The following OPN5 variants were observed in gnomAD, a reference collection of about 807,000 sequenced individuals.
The protein encoded by OPN5 is opsin 5, also known as opsin-5.
OPN5 carries 18 observed loss-of-function variants against 41.7 expected under a neutral mutation model. The ratio of observed to expected loss-of-function variants is 0.43; its 90% CI spans 0.30 to 0.64. The LOEUF (loss-of-function observed/expected upper bound fraction) is 0.64. OPN5 is among the 30% of genes least tolerant of loss of function. The probability of loss-of-function intolerance (pLI) is 0.13; values close to 1 mark genes in which losing one functional copy is unlikely to be tolerated. For synonymous variants in OPN5, 178 were observed against 164.3 expected (o/e 1.08, Z -0.64); for missense variants, 318 against 434.5 (o/e 0.73, Z 2.38).
intron 6 of OPN5, among the ~76,000 whole-genome samples, chr6:47,814,385 C>T (rs763902474): frequency 5.3e-5 from 8 of 151,926 alleles, no homozygotes; most frequent in Non-Finnish European, 1.0e-4. Flanking sequence ...TGGTCTTTAA[C>T]ATGGCTTTAT....
Position 47,812,545 on chromosome 6 carries a change from G to A in OPN5, c.1056+814G>A, listed in dbSNP as rs534488803. ...TGAGGCAGACAGGTAAAGAGATGTA[G>A]ATATGAATGAGATGGAGTGATTTCA... On this transcript the variant is annotated intron_variant, in intron 6 of 6. Transcript: ENST00000371211. 6.6e-5 allele frequency among the ~76,000 whole-genome samples: 10 copies of A among 152,176 alleles called. No homozygotes were observed. In the East Asian group the frequency reaches 1.4e-3, roughly 21 times the overall value.
intron 1 of OPN5, among the ~76,000 whole-genome samples, 165 bp downstream of exon 1, chr6:47,782,361 T>C (rs1214184480): frequency 6.6e-6 from 1 of 152,178 alleles, no homozygotes; most frequent in African/African-American, 2.4e-5. Context: ...AATAAATGTT[T>C]CCTAGAAATG....
In OPN5 at chr6:47,819,354, A is replaced by ATATATATATATATATATATAT; in HGVS notation, c.1057-4629_1057-4628insTATATATATATATATATATAT. ...AATTAGGAATATATATATATATATA[A>ATATATATATATATATATATAT]AAAATATATTACCGTATAAGTAGAA... On this transcript the variant is annotated intron_variant, in intron 6 of 6. Coordinates refer to ENST00000371211, the Ensembl canonical transcript of OPN5. 9.3e-3 allele frequency among the ~76,000 whole-genome samples: 546 copies of ATATATATATATATATATATAT among 58,942 alleles called. 107 individuals carry two copies. Among genetic ancestry groups the ATATATATATATATATATATAT allele is most frequent in the African/African-American group, 0.018 (355 of 20,148 alleles). The allele number at this position is 58,942 out of a possible 152,430, so 38.7% of individuals were successfully genotyped here.
chr6:47,795,162 A>G (rs1773501534), intron 3 of OPN5, 67 bp from the exon 4 acceptor site: 2 of 1,156,252 alleles, frequency 1.7e-6, no homozygotes, highest in African/African-American at 1.6e-5. Flanking sequence ...GGAATTTGAC[A>G]TATCGAGGGG....
chr6:47,819,379 A>AATATATATGTAT (rs1554141995), intron 6 of OPN5, among the ~76,000 whole-genome samples: 1 of 97,424 alleles, frequency 1.0e-5, no homozygotes, highest in African/African-American at 3.5e-5. Flanking sequence ...TATAAGTAGA[A>AATATATATGTAT]ATATATATAT....
chr6:47,795,790 A>T lies in OPN5; in HGVS notation c.756+227A>T, dbSNP rs962105363. On this transcript the variant is annotated intron_variant, in intron 4 of 6. Coordinates refer to ENST00000371211, the Ensembl canonical transcript of OPN5. ...CTCTCTCTCTCTCTCACACACACAC[A>T]CACACACACACACACACACACATTT... 5.2e-4 allele frequency among the ~76,000 whole-genome samples: 78 copies of T among 151,396 alleles called. 1 individual carries two copies. The South Asian group carries it at 0.016, about 31-fold the overall frequency.
chr6:47,791,684 T>G (rs897891939), intron 2 of OPN5, 118 bp from the exon 3 acceptor site: 2 of 711,636 alleles, frequency 2.8e-6, no homozygotes, highest in Non-Finnish European at 4.9e-6. Context: ...TAATCAAGGG[T>G]GTGTGTGTGC....
intron 2 of OPN5, among the ~76,000 whole-genome samples, chr6:47,788,939 G>A (rs1182186172): frequency 3.3e-5 from 5 of 151,846 alleles, no homozygotes; most frequent in African/African-American, 1.2e-4. Flanking sequence ...AAAACAATCC[G>A]TCCAGCGATT....
chr6:47,818,540 A>G (rs1762499825), intron 6 of OPN5, among the ~76,000 whole-genome samples: 1 of 152,206 alleles, frequency 6.6e-6, no homozygotes, highest in African/African-American at 2.4e-5. Context: ...TTGGCAGGGC[A>G]TTCATCCATA....
At chr6:47,821,854 C>A (rs1456006061) in intron 6 of OPN5, among the ~76,000 whole-genome samples, 3 of 152,078 alleles carry the variant, frequency 2.0e-5, no homozygotes, top group Non-Finnish European at 4.4e-5. Context: ...GTGGCTCATA[C>A]CTGTAATCCC....
chr6:47,792,535 G>T (rs1344282999), intron 3 of OPN5, among the ~76,000 whole-genome samples: 4 of 152,180 alleles, frequency 2.6e-5, no homozygotes, highest in Non-Finnish European at 5.9e-5. Flanking sequence ...GTGATTACAA[G>T]AATTGGTGAA....
At chr6:47,810,297 A>G (rs1358234780) in intron 5 of OPN5, among the ~76,000 whole-genome samples, 1 of 152,182 alleles carries the variant, frequency 6.6e-6, no homozygotes, top group Non-Finnish European at 1.5e-5. Flanking sequence ...CTGAAGAGAT[A>G]TTGAGTCGTA....
intron 4 of OPN5, among the ~76,000 whole-genome samples, chr6:47,800,943 T>C (rs1053830601): frequency 6.6e-6 from 1 of 152,198 alleles, no homozygotes; most frequent in Non-Finnish European, 1.5e-5. Flanking sequence ...ACATCAGTCA[T>C]TTACAATGTT....
rs189383468 is a variant in OPN5 at position 47,799,603 on chromosome 6, C to T, written c.756+4040C>T. On this transcript the variant is annotated intron_variant, in intron 4 of 6. Coordinates refer to ENST00000371211, the Ensembl canonical transcript of OPN5. Reference sequence around the variant, plus strand: ...GCTCATCAGCACTGTAAGCTACTTCCCCACCCTTCCGCTGCAACCCTTCCG... The same window carrying T: ...GCTCATCAGCACTGTAAGCTACTTCTCCACCCTTCCGCTGCAACCCTTCCG... Among the ~76,000 whole-genome samples, 148 of 152,270 alleles carry T rather than the reference C, an allele frequency of 9.7e-4. No individual in the cohort carries two copies. The Middle Eastern group carries it at 0.017, about 17-fold the overall frequency.
At chr6:47,788,608 G>A (rs1454732159) in intron 2 of OPN5, among the ~76,000 whole-genome samples, 1 of 151,734 alleles carries the variant, frequency 6.6e-6, no homozygotes. Flanking sequence ...TCCAATAAAC[G>A]TTAAAACTTT....
At chr6:47,786,718 G>C (rs568042009) in intron 2 of OPN5, 84 bp downstream of exon 2, 1 of 1,204,300 alleles carries the variant, frequency 8.3e-7, no homozygotes, top group African/African-American at 1.5e-5. Context: ...GTCACCCCCT[G>C]ACATCTCTTC....
intron 1 of OPN5, among the ~76,000 whole-genome samples, chr6:47,785,711 T>C (rs1311310752): frequency 6.6e-6 from 1 of 152,220 alleles, no homozygotes; most frequent in Non-Finnish European, 1.5e-5. Flanking sequence ...TAAACTGGGT[T>C]TGTAAGAACT....
intron 4 of OPN5, 144 bp downstream of exon 4, chr6:47,795,707 C>G (rs1171690464): frequency 3.1e-5 from 19 of 610,092 alleles, no homozygotes; most frequent in Non-Finnish European, 5.2e-5. Context: ...ATTGTCTAAG[C>G]CTTTCTTTGT....
chr6:47,807,836 ATAT>A (rs554683859), intron 4 of OPN5, among the ~76,000 whole-genome samples: 79 of 151,888 alleles, frequency 5.2e-4, no homozygotes, highest in African/African-American at 1.8e-3. Flanking sequence ...AAGTCCAGAA[ATAT>A]TATGATTTCC....
Sources: gnomAD v4.1 joint callset for allele counts (sites outside exome capture counted in the v4.1 genomes callset) on GRCh38, gnomAD v4.1.1 for gene constraint, MANE v1.5 for transcripts, NCBI Gene and HGNC (gene_info 2026-07-23, HGNC 2026-07-21) for gene names.